Variants in DDX60 observed in about 807,000 individuals in gnomAD.
The protein encoded by DDX60 is DExD/H-box helicase 60, also known as probable ATP-dependent RNA helicase DDX60.
A neutral mutation model predicts 212.8 loss-of-function variants in DDX60; 165 were observed. The observed-to-expected ratio is 0.78, with a 90% CI of 0.68 to 0.88. The LOEUF (loss-of-function observed/expected upper bound fraction) is 0.88, where lower values mean the gene tolerates loss of function less well. Among genes scored for constraint, DDX60 ranks in the 40% least tolerant of loss-of-function variants. DDX60 has a pLI of 0.00. For synonymous variants in DDX60, 703 were observed against 685.3 expected, an observed-to-expected ratio of 1.03 and a Z score of -0.40; for missense variants, 1,905 against 2,003.9, an observed-to-expected ratio of 0.95 and a Z score of 0.94.
chr4:168,323,415 C>T (rs1351822930), upstream of DDX60, among the ~76,000 whole-genome samples: 1 of 152,100 alleles, frequency 6.6e-6, no homozygotes, highest in Admixed American at 6.5e-5. Flanking sequence ...GTGGTGACAC[C>T]CATGAGGGCA....
At chr4:168,256,717 C>T (rs907896423) in intron 25 of DDX60, among the ~76,000 whole-genome samples, 2 of 152,204 alleles carry the variant, frequency 1.3e-5, no homozygotes, top group African/African-American at 4.8e-5. Context: ...GGTCTTATTT[C>T]TCCACTGCAT....
intron 6 of DDX60, among the ~76,000 whole-genome samples, chr4:168,301,465 A>G (rs1039915941): frequency 6.6e-6 from 1 of 152,212 alleles, no homozygotes; most frequent in African/African-American, 2.4e-5. Flanking sequence ...AAAGAACACA[A>G]GCGCCAACCT....
At chr4:168,242,889 G>A (rs1733899078) in intron 30 of DDX60, among the ~76,000 whole-genome samples, 1 of 152,124 alleles carries the variant, frequency 6.6e-6, no homozygotes, top group Non-Finnish European at 1.5e-5. Context: ...ATCTTGAATT[G>A]TAACTCCCAC....
intron 1 of DDX60, among the ~76,000 whole-genome samples, chr4:168,311,770 A>C (rs1364716766): frequency 6.6e-6 from 1 of 152,184 alleles, no homozygotes; most frequent in South Asian, 2.1e-4. Flanking sequence ...GAGACCATCA[A>C]AGAAAAGACT....
chr4:168,317,636 GTGGACAGGACCTGTGAATTTAA>G (rs1737454837), intron 1 of DDX60, among the ~76,000 whole-genome samples: 1 of 152,146 alleles, frequency 6.6e-6, no homozygotes, highest in African/African-American at 2.4e-5. Flanking sequence ...CCCCTTGAGT[GTGGACAGGACCTGTGAATTTAA>G]TGGCATAGTC....
chr4:168,318,767 C>A (rs1039235639), upstream of DDX60: 7 of 152,308 alleles, frequency 4.6e-5, no homozygotes, highest in African/African-American at 1.4e-4. Context: ...TGAGCCACCG[C>A]AGCCAGTCTT....
intron 8 of DDX60, among the ~76,000 whole-genome samples, chr4:168,289,583 C>A (rs1008689663): frequency 1.3e-5 from 2 of 152,144 alleles, no homozygotes; most frequent in Non-Finnish European, 2.9e-5. Context: ...CCATTCCACC[C>A]TTCTAAGTCC....
At position 168,255,832 on chromosome 4, in the gene DDX60, C is replaced by T. The variant is rs1179663728; in HGVS notation, c.3436G>A (p.Val1146Met). The change falls in exon 26 of 38, where the codon GTG becomes ATG. Residue 1146 changes from valine to methionine, a missense_variant. Transcript: ENST00000393743. ...LGAVENAAES[V>M]STFLKKKQET... ...TGCTTTTTCTTTAGGAAAGTGCTCA[C>T]ACTTTCAGCTGCGTTTTCTACAGCT... 9 of 1,599,092 alleles carry T rather than the reference C, an allele frequency of 5.6e-6. No homozygotes were observed. In the East Asian group the frequency reaches 1.8e-4, roughly 32 times the overall value.
intron 26 of DDX60, among the ~76,000 whole-genome samples, chr4:168,255,429 G>T (rs1190582339): frequency 6.6e-6 from 1 of 152,142 alleles, no homozygotes; most frequent in East Asian, 1.9e-4. Flanking sequence ...TGCTTATTGT[G>T]TAGGATGATT....
At chr4:168,308,323 G>A (rs1736980270) in intron 3 of DDX60, 128 bp from the exon 4 acceptor site, 4 of 606,948 alleles carry the variant, frequency 6.6e-6, no homozygotes, top group African/African-American at 1.9e-5. Context: ...TCATGGCAGT[G>A]TCTACACTAA....
At chr4:168,260,741 C>T (rs1734591249) in intron 25 of DDX60, 124 bp downstream of exon 25, 1 of 870,446 alleles carries the variant, frequency 1.1e-6, no homozygotes, top group Non-Finnish European at 1.8e-6. Flanking sequence ...CTCTGTGGCA[C>T]AATTCCTAAC....
chr4:168,238,236 C>CAAAAAAAAAA (rs57638327), intron 30 of DDX60, among the ~76,000 whole-genome samples: 1 of 80,894 alleles, frequency 1.2e-5, no homozygotes, highest in African/African-American at 4.2e-5. Flanking sequence ...TATGAAATTC[C>CAAAAAAAAAA]AAAAAAAAAA....
chr4:168,299,118 G>T (rs551884477), intron 6 of DDX60, among the ~76,000 whole-genome samples: 3 of 129,890 alleles, frequency 2.3e-5, no homozygotes, highest in East Asian at 2.3e-4. Flanking sequence ...CCGAGATTGT[G>T]CCACTGCACT....
chr4:168,295,408 A>C (rs1267259806), intron 6 of DDX60, among the ~76,000 whole-genome samples: 1 of 152,192 alleles, frequency 6.6e-6, no homozygotes, highest in East Asian at 1.9e-4. Context: ...GTCTTGGCCA[A>C]TCCCTTACTT....
At chr4:168,312,646 CAGAT>C (rs368693255) in intron 1 of DDX60, among the ~76,000 whole-genome samples, 41 of 151,424 alleles carry the variant, frequency 2.7e-4, no homozygotes, top group South Asian at 6.3e-4. Context: ...GGCTATGAAA[CAGAT>C]AGGTAGATAC....
Position 168,237,285 on chromosome 4 carries a change from C to T in DDX60, c.4411+1G>A, listed in dbSNP as rs1201415956. The T allele has an allele frequency of 1.3e-6, 2 of 1,534,356 alleles. No individual in the cohort carries two copies. The highest frequency in any genetic ancestry group is 1.8e-6 in the Non-Finnish European group (2 of 1,141,224). ...ATATATATATAAAATCTCAAGCTTA[C>T]CTTTCCTGGTTGGCTGACAGAGATC... On this transcript the variant is annotated splice_donor_variant, in intron 32 of 37. Coordinates refer to ENST00000393743, the MANE Select transcript of DDX60 (RefSeq NM_017631.6). LOFTEE classifies it high-confidence loss of function.
intron 1 of DDX60, among the ~76,000 whole-genome samples, chr4:168,315,085 A>G (rs1737306350): frequency 6.6e-6 from 1 of 152,206 alleles, no homozygotes; most frequent in African/African-American, 2.4e-5. Context: ...CTATAGTTCT[A>G]TAAGCTTAGA....
At chr4:168,243,326 C>G (rs897581030) in intron 30 of DDX60, among the ~76,000 whole-genome samples, 1 of 151,994 alleles carries the variant, frequency 6.6e-6, no homozygotes, top group Non-Finnish European at 1.5e-5. Context: ...TCAGAGAAAA[C>G]AAACAACCTA....
At chr4:168,271,718 A>G (rs1012461058) in intron 19 of DDX60, among the ~76,000 whole-genome samples, 1 of 152,222 alleles carries the variant, frequency 6.6e-6, no homozygotes, top group African/African-American at 2.4e-5. Context: ...TATTTACTTT[A>G]GAGGTCAAAG....
Sources: allele counts gnomAD v4.1 joint callset (sites outside exome capture counted in the v4.1 genomes callset), GRCh38; gene constraint gnomAD v4.1.1; transcripts MANE v1.5; gene names NCBI Gene and HGNC (gene_info 2026-07-23, HGNC 2026-07-21).